Variants in GRIPAP1 observed in about 807,000 individuals in gnomAD.
GRIPAP1 encodes GRIP1 associated protein 1.
In GRIPAP1, 14 loss-of-function variants were observed where a neutral mutation model predicts 84.1. That is an observed-to-expected ratio of 0.17 (90% CI 0.11 to 0.26). The LOEUF (loss-of-function observed/expected upper bound fraction) is 0.26. Among genes scored for constraint, GRIPAP1 ranks in the 10% least tolerant of loss-of-function variants. GRIPAP1 has a pLI of 1.00. For synonymous variants in GRIPAP1, 261 were observed against 256.8 expected (o/e 1.02, Z -0.15); for missense variants, 518 against 674.2 (o/e 0.77, Z 2.57).
At chrX:48,995,539 C>T (rs2064542787) in intron 5 of GRIPAP1, among the ~76,000 whole-genome samples, 2 of 111,630 alleles carry the variant, frequency 1.8e-5, no homozygotes, top group East Asian at 2.8e-4. Context: ...GCTGTAGAAA[C>T]AGCAGATGAT....
intron 14 of GRIPAP1, among the ~76,000 whole-genome samples, chrX:48,984,629 C>T (rs113895695): frequency 4.1e-5 from 4 of 96,537 alleles, no homozygotes; most frequent in South Asian, 5.3e-4. Context: ...GCAGGAGAAT[C>T]GCTTGAACCC....
chrX:48,982,567 G>A (rs1393316928), intron 17 of GRIPAP1, among the ~76,000 whole-genome samples: 1 of 112,016 alleles, frequency 8.9e-6, no homozygotes, highest in Non-Finnish European at 1.9e-5. Context: ...GTAGAGACAG[G>A]GTTTCACCAT....
intron 11 of GRIPAP1, 71 bp downstream of exon 11, chrX:48,989,540 G>T (rs1045669681): frequency 1.5e-6 from 1 of 687,469 alleles, no homozygotes; most frequent in Non-Finnish European, 2.3e-6. Context: ...CAGCCTCCAT[G>T]GACCTCAGAC....
In GRIPAP1 at chrX:48,983,419, T is replaced by G; in HGVS notation, c.1294A>C (p.Met432Leu). Residue 432 changes from methionine to leucine, a missense_variant, in exon 16 of 26, where the codon ATG becomes CTG. Physicochemically the swap from Met to Leu is conservative, Grantham distance 15. Transcript: ENST00000376423. ...GTTTCCATTGCTAGCTCATCCAGCATGGCCTTCCGCTTCTCCGCACTCTGG... is the reference window on the plus strand; with the variant it reads ...GTTTCCATTGCTAGCTCATCCAGCAGGGCCTTCCGCTTCTCCGCACTCTGG... ...ARKSAEKRKA[M>L]LDELAMETLQ... The G allele has an allele frequency of 1.7e-6, 2 of 1,210,851 alleles. No individual in the cohort carries two copies. The highest frequency in any genetic ancestry group is 2.2e-6 in the Non-Finnish European group (2 of 894,671).
intron 1 of GRIPAP1, among the ~76,000 whole-genome samples, chrX:49,001,275 T>C (rs906557962): frequency 3.7e-4 from 41 of 110,346 alleles, no homozygotes; most frequent in African/African-American, 1.2e-3. Context: ...CAGGGACAGC[T>C]GGTTTCCCTC....
chrX:48,985,120 C>T, intron 14 of GRIPAP1, 148 bp downstream of exon 14: 1 of 418,791 alleles, frequency 2.4e-6, no homozygotes, highest in East Asian at 3.8e-5. Flanking sequence ...AATGACTTGT[C>T]CCAGAACACA....
intron 13 of GRIPAP1, among the ~76,000 whole-genome samples, 188 bp downstream of exon 13, chrX:48,987,597 T>TA (rs782093107): frequency 5.0e-4 from 46 of 92,723 alleles, no homozygotes; most frequent in Middle Eastern, 5.4e-3. Flanking sequence ...TTTTAAAAGT[T>TA]AAAAAAAAAA....
chrX:48,979,965 G>A lies in GRIPAP1; in HGVS notation c.1930+1250C>T, dbSNP rs192623134. ...CCTTTTTAAAGAAAGGTTACTTCAG[G>A]AGACCGAGTGCCTCAGAGAGAAATT... is the stretch of plus-strand genomic sequence containing the variant. On this transcript the variant is annotated intron_variant, in intron 21 of 25. Transcript: ENST00000376423. Among the ~76,000 whole-genome samples the A allele has an allele frequency of 6.3e-5, 7 of 111,187 alleles. No homozygotes were observed. The East Asian group carries it at 2.0e-3, about 31-fold the overall frequency.
In GRIPAP1 at chrX:48,983,252, G is replaced by A; in HGVS notation, c.1461C>T (p.Leu487=). The A allele has an allele frequency of 8.3e-7, 1 of 1,211,614 alleles. No homozygotes were observed. The highest frequency in any genetic ancestry group is 1.1e-6 in the Non-Finnish European group (1 of 894,975). ...HEDKKRQEEE[L]RGQIREEKAR... is the part of the protein sequence containing the mutation. ...CCTTCTCCTCCCGGATCTGCCCACG[G>A]AGCTCCTCCTCCTGACGCTTCTTGT... Residue 487 remains leucine, a synonymous_variant, in exon 16 of 26, where the codon CTC becomes CTT. Coordinates refer to ENST00000376423, the MANE Select transcript of GRIPAP1 (RefSeq NM_020137.5).
chrX:48,979,492 A>AG, intron 21 of GRIPAP1, among the ~76,000 whole-genome samples: 1 of 88,914 alleles, frequency 1.1e-5, no homozygotes, highest in African/African-American at 4.1e-5. Flanking sequence ...AAAAAAAAAA[A>AG]AAAAAAAAAA....
At chrX:48,980,224 G>A in intron 21 of GRIPAP1, among the ~76,000 whole-genome samples, 1 of 49,088 alleles carries the variant, frequency 2.0e-5, no homozygotes, top group Non-Finnish European at 4.3e-5. Flanking sequence ...AGCAACTAAA[G>A]TTGTGTGTGT....
rs1557060374 is a variant in GRIPAP1, at chrX:48,976,062, C to T, written c.2234G>A (p.Arg745Gln). Residue 745 changes from arginine (R) to glutamine (Q), a missense_variant, in exon 24 of 26, where the codon CGG (arginine) becomes CAG (glutamine). Coordinates refer to ENST00000376423, the MANE Select transcript of GRIPAP1 (RefSeq NM_020137.5). The stretch of plus-strand genomic sequence containing the variant: ...GTAGGTCTCAATGATGGCGCTCTTC[C>T]GGCAGAGGTCCTCTGCCATGGAAGC... ...SSASMAEDLCRKSAIIETYVM... is the reference protein window; with the variant it reads ...SSASMAEDLCQKSAIIETYVM... 5 of 1,209,404 alleles carry T rather than the reference C, an allele frequency of 4.1e-6. No individual in the cohort carries two copies. Among genetic ancestry groups the T allele is most frequent in the Non-Finnish European group, 5.6e-6 (5 of 894,537 alleles).
chrX:48,986,992 G>A (rs1557063962), intron 13 of GRIPAP1, among the ~76,000 whole-genome samples: 1 of 106,440 alleles, frequency 9.4e-6, no homozygotes. Context: ...TGGATTACAG[G>A]TGCCCACCAC....
At chrX:48,998,254 T>TGTGCCAAGC (rs1227325830) in intron 3 of GRIPAP1, 74 bp from the exon 4 acceptor site, 2 of 746,213 alleles carry the variant, frequency 2.7e-6, no homozygotes, top group Admixed American at 5.4e-5. Context: ...TGGAGACAAT[T>TGTGCCAAGC]GTGCCAAGCG....
intron 1 of GRIPAP1, among the ~76,000 whole-genome samples, 180 bp from the exon 2 acceptor site, chrX:48,999,684 A>T (rs2064566680): frequency 9.1e-6 from 1 of 110,254 alleles, no homozygotes. Context: ...ACCCTGGCTC[A>T]CCTTTTCCAG....
At chrX:48,978,581 A>G (rs2064435976) in intron 21 of GRIPAP1, 146 bp from the exon 22 acceptor site, 2 of 496,241 alleles carry the variant, frequency 4.0e-6, no homozygotes, top group South Asian at 4.5e-5. Context: ...ACAGGAGGAC[A>G]GGGAGAGACA....
At chrX:48,995,532 G>A (rs1173594429) in intron 5 of GRIPAP1, among the ~76,000 whole-genome samples, 2 of 111,821 alleles carry the variant, frequency 1.8e-5, no homozygotes, top group African/African-American at 3.2e-5. Context: ...GGAGGCGGCT[G>A]TAGAAACAGC....
chrX:48,993,488 C>G lies in GRIPAP1; in HGVS notation c.397G>C (p.Val133Leu), dbSNP rs782758943. Residue 133 changes from valine to leucine, a missense_variant, in exon 6 of 26, where the codon GTG (valine) becomes CTG (leucine). Coordinates refer to ENST00000376423, the MANE Select transcript of GRIPAP1 (RefSeq NM_020137.5). Reference protein sequence around the residue: ...GAGVAQAGPLVDGELLRLQAE... With the variant: ...GAGVAQAGPLLDGELLRLQAE... ...TGTAGCCTCAGCAGCTCCCCATCCA[C>G]GAGGGGCCCAGCTTGGGCAACCCCT... is the stretch of plus-strand genomic sequence containing the variant. The G allele has an allele frequency of 3.4e-6, 4 of 1,189,917 alleles. No homozygotes were observed. The African/African-American group carries it at 5.3e-5, about 16-fold the overall frequency.
At chrX:49,000,078 A>C (rs1243672651) in intron 1 of GRIPAP1, among the ~76,000 whole-genome samples, 1 of 110,483 alleles carries the variant, frequency 9.1e-6, no homozygotes, top group Admixed American at 9.7e-5. Context: ...TCAATAATTA[A>C]GGGAGGACCA....
Sources: gnomAD v4.1 joint callset for allele counts (sites outside exome capture counted in the v4.1 genomes callset) on GRCh38, gnomAD v4.1.1 for gene constraint, MANE v1.5 for transcripts, NCBI Gene and HGNC (gene_info 2026-07-23, HGNC 2026-07-21) for gene names.